Variants in IGDCC4 observed in about 807,000 individuals in gnomAD.
IGDCC4 encodes likely ortholog of mouse neighbor of Punc E11.
IGDCC4 carries 72 observed loss-of-function variants against 116.6 expected under a neutral mutation model. The observed-to-expected ratio is 0.62, with a 90% CI of 0.51 to 0.75. The LOEUF (loss-of-function observed/expected upper bound fraction) is 0.75, where lower values mean the gene tolerates loss of function less well. Among genes scored for constraint, IGDCC4 ranks in the 30% least tolerant of loss-of-function variants. The pLI is 0.00. For missense variants in IGDCC4, 1,501 were observed against 1,662.4 expected (o/e 0.90, Z 1.69); for synonymous variants, 709 against 719.9 (o/e 0.98, Z 0.24).
intron 1 of IGDCC4, among the ~76,000 whole-genome samples, chr15:65,416,373 G>A (rs1252243633): frequency 1.3e-5 from 2 of 151,938 alleles, no homozygotes; most frequent in East Asian, 3.9e-4. Flanking sequence ...TCCTGACTTC[G>A]TGATCCGCCC....
intron 12 of IGDCC4, among the ~76,000 whole-genome samples, chr15:65,391,165 G>C (rs145966867): frequency 6.6e-6 from 1 of 152,212 alleles, no homozygotes; most frequent in Non-Finnish European, 1.5e-5. Flanking sequence ...AGGAGGCAGA[G>C]GTTGCAGTGA....
At chr15:65,390,083 G>T in intron 13 of IGDCC4, 72 bp downstream of exon 13, 1 of 1,360,446 alleles carries the variant, frequency 7.4e-7, no homozygotes, top group Non-Finnish European at 1.0e-6. Context: ...ATCACCACCT[G>T]CTGCCTTCCC....
chr15:65,410,522 G>A (rs2063081110), intron 2 of IGDCC4: 1 of 606,338 alleles, frequency 1.6e-6, no homozygotes, highest in Non-Finnish European at 2.9e-6. Context: ...GAATTCCAAA[G>A]CCCCCCTGCC....
intron 5 of IGDCC4, 64 bp downstream of exon 5, chr15:65,400,742 G>C (rs2062976447): frequency 1.3e-6 from 2 of 1,533,352 alleles, no homozygotes; most frequent in South Asian, 1.3e-5. Flanking sequence ...CCCTGACTTA[G>C]GGGCATGTGA....
chr15:65,400,963 C>A lies in IGDCC4; in HGVS notation c.701-17G>T. 6.2e-7 allele frequency: 1 copy of A among 1,613,996 alleles called. No individual in the cohort carries two copies. The highest frequency in any genetic ancestry group is 2.2e-5 in the East Asian group (1 of 44,860). On this transcript the variant is annotated splice_polypyrimidine_tract_variant and intron_variant, in intron 4 of 19. Coordinates refer to ENST00000352385, the MANE Select transcript of IGDCC4 (RefSeq NM_020962.3). ...CCAGGGACCCTGGCGAGAAGACAGA[C>A]CAGCAGGCAGCCTTACCATTAGGCA...
rs2091416339 is a variant in IGDCC4, at chr15:65,383,076, A to T, written c.*933T>A. On this transcript the variant is annotated 3_prime_UTR_variant, in exon 20 of 20. Transcript: ENST00000352385. ...TGGGGCAGGGCAAGCAGAAGCACTG[A>T]GTGAAGAGGAGGCAGGAGGATGGCA... is the stretch of plus-strand genomic sequence containing the variant. The T allele has an allele frequency of 6.5e-6, 1 of 152,762 alleles. No individual in the cohort carries two copies. Among genetic ancestry groups the T allele is most frequent in the Non-Finnish European group, 1.5e-5 (1 of 68,202 alleles). The allele number at this position is 152,762 out of a possible 1,614,324, so 9.5% of individuals were successfully genotyped here. A position where few individuals can be genotyped will look rare whatever the true frequency, so the allele number is the denominator to read the frequency against.
chr15:65,407,097 G>T (rs879185726), intron 3 of IGDCC4, among the ~76,000 whole-genome samples: 1 of 152,184 alleles, frequency 6.6e-6, no homozygotes, highest in African/African-American at 2.4e-5. Context: ...GCAGGTCGCT[G>T]GAGTCTGACA....
At chr15:65,396,411 G>C (rs2062927975) in intron 6 of IGDCC4, 4 of 651,908 alleles carry the variant, frequency 6.1e-6, no homozygotes, top group Non-Finnish European at 1.1e-5. Flanking sequence ...GGCCTCCTCA[G>C]CCTCCCCTAA....
intron 3 of IGDCC4, among the ~76,000 whole-genome samples, chr15:65,408,319 C>T (rs984278225): frequency 1.3e-5 from 2 of 152,138 alleles, no homozygotes; most frequent in Admixed American, 6.5e-5. Context: ...TAGGCTCTCG[C>T]GTGGTTCTCT....
chr15:65,387,551 C>T (rs1407779806), intron 16 of IGDCC4, among the ~76,000 whole-genome samples: 1 of 152,070 alleles, frequency 6.6e-6, no homozygotes, highest in Non-Finnish European at 1.5e-5. Flanking sequence ...CAGAGTTTCA[C>T]CGTGTTAGCC....
Position 65,386,540 on chromosome 15 carries a change from C to G in IGDCC4, c.2951+11G>C. ...TCCCTTCCCTGAAGTCAGACTGGCT[C>G]CCCTGCTCACCTGTGGGGGCTGCGG... On this transcript the variant is annotated intron_variant, in intron 17 of 19. Transcript: ENST00000352385. 6.3e-7 allele frequency: 1 copy of G among 1,587,230 alleles called. No homozygotes were observed. The highest frequency in any genetic ancestry group is 8.5e-7 in the Non-Finnish European group (1 of 1,169,972).
At position 65,392,198 on chromosome 15, in the gene IGDCC4, C is replaced by T. The variant is rs533450155; in HGVS notation, c.2058G>A (p.Gln686=). Residue 686 remains glutamine, a synonymous_variant, in exon 11 of 20, where the codon CAG becomes CAA. Coordinates refer to ENST00000352385, the MANE Select transcript of IGDCC4 (RefSeq NM_020962.3). The part of the protein sequence containing the change: ...GDRLPGGRGD[Q]AWDVGPVRLK... ...GCCGGACAGGCCCCACATCCCAAGC[C>T]TGGTCTCCACGGCCCCCTGGCAGGC... 2 of 1,613,978 alleles carry T rather than the reference C, an allele frequency of 1.2e-6. No homozygotes were observed. The highest frequency in any genetic ancestry group is 2.2e-5 in the South Asian group (2 of 91,050).
chr15:65,392,206 C>T lies in IGDCC4; in HGVS notation c.2050G>A (p.Gly684Arg). 1.2e-6 allele frequency: 2 copies of T among 1,613,954 alleles called. No homozygotes were observed. The highest frequency in any genetic ancestry group is 2.7e-5 in the African/African-American group (2 of 74,998). Residue 684 changes from glycine to arginine, a missense_variant, in exon 11 of 20, where the codon GGA (glycine) becomes AGA (arginine). Gly to Arg is a moderately radical substitution (Grantham distance 125, BLOSUM62 -2). This residue lies in a region of IGDCC4 where 898 missense variants were observed against 978.9 expected (regional missense o/e 0.92). Coordinates refer to ENST00000352385, the MANE Select transcript of IGDCC4 (RefSeq NM_020962.3). ...ANGDRLPGGR[G>R]DQAWDVGPVR... The stretch of plus-strand genomic sequence containing the variant: ...GGCCCCACATCCCAAGCCTGGTCTC[C>T]ACGGCCCCCTGGCAGGCGATCGCCA...
intron 13 of IGDCC4, among the ~76,000 whole-genome samples, 198 bp from the exon 14 acceptor site, chr15:65,389,609 T>C (rs2091493625): frequency 6.6e-6 from 1 of 152,152 alleles, no homozygotes; most frequent in Non-Finnish European, 1.5e-5. Flanking sequence ...CCAAGTCCAA[T>C]CTCGAAACCA....
chr15:65,402,783 C>A (rs1320715885), intron 3 of IGDCC4, among the ~76,000 whole-genome samples: 1 of 152,200 alleles, frequency 6.6e-6, no homozygotes, highest in Non-Finnish European at 1.5e-5. Context: ...AGGAGAATCG[C>A]TTGAACCCGG....
chr15:65,416,935 G>A (rs956868904), intron 1 of IGDCC4, among the ~76,000 whole-genome samples: 2 of 152,132 alleles, frequency 1.3e-5, no homozygotes, highest in African/African-American at 4.8e-5. Flanking sequence ...ATGCTGTTTC[G>A]TGGGATTAGT....
In IGDCC4 at chr15:65,384,865, C is replaced by T. The variant is rs2091437526; in HGVS notation, c.3342+89G>A. On this transcript the variant is annotated intron_variant, in intron 19 of 19. Transcript: ENST00000352385. The surrounding 1 kb of genome is among the most constrained non-coding windows in gnomAD (Gnocchi z 4.9). The stretch of plus-strand genomic sequence containing the variant: ...CTTCTATCCCCAGGAAAGTTACCAC[C>T]CAGGGGTCTCCAGAGAACTCATTAC... 1 of 1,492,298 alleles carries T rather than the reference C, an allele frequency of 6.7e-7. No individual in the cohort carries two copies. Among genetic ancestry groups the T allele is most frequent in the Non-Finnish European group, 9.0e-7 (1 of 1,113,536 alleles). 92.4% of individuals were successfully genotyped at this position (1,492,298 alleles called of 1,614,324 possible).
chr15:65,416,314 T>G (rs1296801318), intron 1 of IGDCC4, among the ~76,000 whole-genome samples: 1 of 151,862 alleles, frequency 6.6e-6, no homozygotes, highest in African/African-American at 2.4e-5. Flanking sequence ...ATTTTTTGTA[T>G]TTTTAGTAGA....
At chr15:65,420,487 C>T (rs999651311) in intron 1 of IGDCC4, among the ~76,000 whole-genome samples, 17 of 152,172 alleles carry the variant, frequency 1.1e-4, no homozygotes, top group African/African-American at 3.9e-4. Flanking sequence ...TGATGCAAAG[C>T]TGATTTTAAA....
Sources: gnomAD v4.1 joint callset for allele counts (sites outside exome capture counted in the v4.1 genomes callset) on GRCh38, gnomAD v4.1.1 for gene constraint, gnomAD v4.1.1 regional missense constraint, Gnocchi (gnomAD v3.1) non-coding constraint, MANE v1.5 for transcripts, NCBI Gene and HGNC (gene_info 2026-07-23, HGNC 2026-07-21) for gene names.